The following C12orf76 variants were observed in gnomAD, a reference collection of about 807,000 sequenced individuals.
The protein encoded by C12orf76 is uncharacterized protein C12orf76.
A neutral mutation model predicts 6.8 loss-of-function variants in C12orf76; 6 were observed. The ratio of observed to expected loss-of-function variants is 0.88; its 90% CI spans 0.48 to 1.73. The LOEUF (loss-of-function observed/expected upper bound fraction) is 1.73. Ranked by LOEUF, C12orf76 falls within the 40% of genes most tolerant of loss-of-function variation. C12orf76 has a pLI of 0.01. For synonymous variants in C12orf76, 56 were observed against 43.7 expected (o/e 1.28, Z -1.11); for missense variants, 99 against 98.2 (o/e 1.01, Z -0.03).
intron 2 of C12orf76, among the ~76,000 whole-genome samples, chr12:110,061,560 G>A (rs1252759746): frequency 1.3e-5 from 2 of 148,668 alleles, no homozygotes; most frequent in South Asian, 2.1e-4. Flanking sequence ...TTCTTGAAAC[G>A]GAGTCTTACT....
At chr12:110,073,566 C>A in exon 1 of C12orf76, 1 of 499,348 alleles carries the variant, frequency 2.0e-6, no homozygotes, top group South Asian at 1.5e-5. Context: ...CCTTCCTGCG[C>A]GGGGCTGGAC....
upstream of C12orf76, chr12:110,067,756 C>T (rs1294277755): frequency 6.2e-6 from 1 of 160,014 alleles, no homozygotes; most frequent in Non-Finnish European, 1.3e-5. Context: ...CACCTTGGCC[C>T]AGGCGGTGAT....
At chr12:110,069,351 A>C (rs1358618195), upstream of C12orf76, among the ~76,000 whole-genome samples, 1 of 152,154 alleles carries the variant, frequency 6.6e-6, no homozygotes, top group East Asian at 1.9e-4. Context: ...GAGACAGGAG[A>C]ATGGCCGGAA....
intron 1 of C12orf76, 132 bp downstream of exon 1, chr12:110,048,231 T>C: frequency 8.5e-7 from 1 of 1,178,096 alleles, no homozygotes. Flanking sequence ...CTGAGGGGCC[T>C]CACCTGCACC....
At chr12:110,058,998 T>C (rs1416850466) in exon 3 of C12orf76, 1 of 1,547,566 alleles carries the variant, frequency 6.5e-7, no homozygotes, top group Non-Finnish European at 8.7e-7. Flanking sequence ...CTCCACCTAA[T>C]AGCCGAACAA....
At chr12:110,059,101 A>G (rs756638535) in exon 3 of C12orf76, 16 of 1,551,694 alleles carry the variant, frequency 1.0e-5, no homozygotes, top group Middle Eastern at 1.7e-4. Flanking sequence ...CCACAGCCTC[A>G]GCTCTCTTAA....
exon 3 of C12orf76, chr12:110,059,098 C>CTCAG: frequency 6.4e-7 from 1 of 1,551,700 alleles, no homozygotes; most frequent in African/African-American, 1.4e-5. Context: ...GCTCCACAGC[C>CTCAG]TCAGCTCTCT....
chr12:110,055,690 A>G (rs138999049), intron 4 of C12orf76, among the ~76,000 whole-genome samples: 103 of 152,228 alleles, frequency 6.8e-4, no homozygotes, highest in African/African-American at 2.4e-3. Context: ...CAATCAGGGA[A>G]TGGAGTTTTT....
At chr12:110,055,935 C>T (rs1413503765) in intron 4 of C12orf76, among the ~76,000 whole-genome samples, 1 of 152,026 alleles carries the variant, frequency 6.6e-6, no homozygotes, top group African/African-American at 2.4e-5. Context: ...TAGCCTCCAG[C>T]TGCATGACTC....
intron 1 of C12orf76, among the ~76,000 whole-genome samples, chr12:110,045,540 C>T (rs989546946): frequency 2.6e-5 from 4 of 151,796 alleles, no homozygotes; most frequent in Admixed American, 6.6e-5. Context: ...GAGCCAAGAT[C>T]GCGCCACTGC....
At chr12:110,043,158 C>A (rs1892360401) in intron 1 of C12orf76, among the ~76,000 whole-genome samples, 1 of 151,900 alleles carries the variant, frequency 6.6e-6, no homozygotes, top group Non-Finnish European at 1.5e-5. Context: ...TAAGGAAGGG[C>A]CTTGAGGCCA....
intron 1 of C12orf76, chr12:110,066,169 C>T (rs1026142276): frequency 3.2e-6 from 4 of 1,233,550 alleles, no homozygotes; most frequent in Non-Finnish European, 4.2e-6. Context: ...GCCAGGAGTT[C>T]AAGACCAGCC....
At chr12:110,042,810 C>T (rs1402698103) in intron 1 of C12orf76, among the ~76,000 whole-genome samples, 1 of 152,054 alleles carries the variant, frequency 6.6e-6, no homozygotes, top group Non-Finnish European at 1.5e-5. Context: ...GTAATCTCAG[C>T]ACTTTGGGAG....
intron 1 of C12orf76, among the ~76,000 whole-genome samples, chr12:110,067,019 C>T (rs1365711454): frequency 1.3e-5 from 2 of 152,238 alleles, no homozygotes; most frequent in African/African-American, 4.8e-5. Flanking sequence ...GTTCTCCTGT[C>T]CCTCTCTCAA....
upstream of C12orf76, among the ~76,000 whole-genome samples, chr12:110,070,682 G>A (rs755493756): frequency 2.0e-5 from 3 of 152,186 alleles, no homozygotes; most frequent in Non-Finnish European, 2.9e-5. Flanking sequence ...TAATGCAGAA[G>A]GGGGCATTTA....
chr12:110,051,765 T>C (rs1892580082), upstream of C12orf76, among the ~76,000 whole-genome samples: 4 of 151,858 alleles, frequency 2.6e-5, no homozygotes, highest in Admixed American at 2.6e-4. Context: ...TGGACCCTCA[T>C]GGATAGGACA....
intron 1 of C12orf76, among the ~76,000 whole-genome samples, chr12:110,046,224 G>A (rs372235667): frequency 1.3e-5 from 2 of 152,036 alleles, no homozygotes; most frequent in African/African-American, 2.4e-5. Flanking sequence ...TCAAGAGATC[G>A]AGACCATCCT....
At chr12:110,070,173 G>A (rs1892944326), upstream of C12orf76, among the ~76,000 whole-genome samples, 1 of 151,660 alleles carries the variant, frequency 6.6e-6, no homozygotes, top group Admixed American at 6.6e-5. Context: ...GGGAAGCAGA[G>A]CTTGCAGTGA....
At chr12:110,053,056 C>G (rs143849697), upstream of C12orf76, among the ~76,000 whole-genome samples, 1,703 of 151,632 alleles carry the variant, frequency 0.011, 43 homozygotes, top group African/African-American at 0.039. Flanking sequence ...GGAAAATTAC[C>G]TGGGCGTGGT....
Sources: gnomAD v4.1 joint callset for allele counts (sites outside exome capture counted in the v4.1 genomes callset) on GRCh38, gnomAD v4.1.1 for gene constraint, MANE v1.5 for transcripts, NCBI Gene and HGNC (gene_info 2026-07-23, HGNC 2026-07-21) for gene names.